Variants in USH2A observed in about 807,000 individuals in gnomAD.
USH2A encodes the protein usherin.
Under a neutral mutation model 538.9 loss-of-function variants are expected in USH2A, and 443 were observed. That is an observed-to-expected ratio of 0.82 (90% CI 0.76 to 0.89). USH2A has a LOEUF of 0.89. USH2A is among the 40% of genes least tolerant of loss of function. The pLI, the probability that USH2A is intolerant of heterozygous loss-of-function variation, is 0.00. For synonymous variants in USH2A, 2,413 were observed against 2,273.5 expected, an observed-to-expected ratio of 1.06 and a Z score of -1.75; for missense variants, 6,633 against 6,324.8, an observed-to-expected ratio of 1.05 and a Z score of -1.65.
chr1:215,973,330 C>T lies in USH2A; in HGVS notation c.6806-2554G>A, dbSNP rs186177867. Among the ~76,000 whole-genome samples, 458 of 152,074 alleles carry T rather than the reference C, an allele frequency of 3.0e-3. 1 individual carries two copies. The highest frequency in any genetic ancestry group is 5.3e-3 in the Non-Finnish European group (362 of 67,974). On this transcript the variant is annotated intron_variant, in intron 35 of 71. Transcript: ENST00000307340. ...ATTTTCATTGAAACTAAATCTCATC[C>T]CCTTAAGTATGAACTCTAAAAATCT... is the stretch of plus-strand genomic sequence containing the variant.
chr1:215,663,196 T>C (rs2102654556), intron 64 of USH2A, among the ~76,000 whole-genome samples: 1 of 152,302 alleles, frequency 6.6e-6, no homozygotes, highest in South Asian at 2.1e-4. Context: ...AAGAAATGTC[T>C]TAACCTGGCT....
At position 215,625,552 on chromosome 1, in the gene USH2A, C is replaced by T. The variant is rs1304110673; in HGVS notation, c.*229G>A. ...TTCTTTGTCTTCTACAAAATAAGAGCAAATCAAGTATTTTCATATGAATAT... is the reference window on the plus strand; with the variant it reads ...TTCTTTGTCTTCTACAAAATAAGAGTAAATCAAGTATTTTCATATGAATAT... On this transcript the variant is annotated 3_prime_UTR_variant, in exon 72 of 72. Transcript: ENST00000307340. The T allele has an allele frequency of 3.5e-6, 2 of 567,138 alleles. No individual in the cohort carries two copies. Among genetic ancestry groups the T allele is most frequent in the Non-Finnish European group, 3.2e-6 (1 of 317,350 alleles). The allele number at this position is 567,138 out of a possible 1,614,324, so 35.1% of individuals were successfully genotyped here.
At chr1:215,936,176 T>A (rs1666491204) in intron 37 of USH2A, among the ~76,000 whole-genome samples, 1 of 151,974 alleles carries the variant, frequency 6.6e-6, no homozygotes, top group African/African-American at 2.4e-5. Context: ...CACATGATAT[T>A]GAGCTTCAAA....
intron 15 of USH2A, among the ~76,000 whole-genome samples, chr1:216,210,600 C>T (rs746881701): frequency 5.9e-5 from 9 of 152,110 alleles, no homozygotes; most frequent in South Asian, 2.1e-4. Context: ...TTCATTTCTG[C>T]GTTCATCCTC....
chr1:216,021,815 G>C (rs563687951), intron 32 of USH2A, among the ~76,000 whole-genome samples: 1 of 152,240 alleles, frequency 6.6e-6, no homozygotes, highest in African/African-American at 2.4e-5. Context: ...TGGCAAATTG[G>C]GTGGTGCTAT....
intron 32 of USH2A, among the ~76,000 whole-genome samples, chr1:216,009,781 C>T (rs571450680): frequency 6.6e-6 from 1 of 152,188 alleles, no homozygotes; most frequent in Non-Finnish European, 1.5e-5. Flanking sequence ...TACACCCAGT[C>T]CGGCTTACAG....
chr1:216,389,801 TAC>T (rs1402533187), intron 3 of USH2A, among the ~76,000 whole-genome samples: 1 of 152,204 alleles, frequency 6.6e-6, no homozygotes, highest in Non-Finnish European at 1.5e-5. Flanking sequence ...CATTTTTATT[TAC>T]AGAGGACAGT....
At chr1:216,107,590 G>A (rs958695496) in intron 21 of USH2A, among the ~76,000 whole-genome samples, 1 of 150,496 alleles carries the variant, frequency 6.6e-6, no homozygotes, top group East Asian at 1.9e-4. Flanking sequence ...TGATTGTTGT[G>A]TTATGTGCAT....
chr1:216,086,189 T>A (rs2032129329), intron 24 of USH2A, among the ~76,000 whole-genome samples: 2 of 152,116 alleles, frequency 1.3e-5, no homozygotes, highest in South Asian at 4.1e-4. Flanking sequence ...AATCACTTTG[T>A]CTATAGCTCA....
At chr1:216,081,750 C>CTTTTTA (rs1206358616) in intron 26 of USH2A, among the ~76,000 whole-genome samples, 4 of 151,686 alleles carry the variant, frequency 2.6e-5, no homozygotes, top group Non-Finnish European at 5.9e-5. Flanking sequence ...GTCTGGCTAA[C>CTTTTTA]TTTTTATTTT....
intron 38 of USH2A, among the ~76,000 whole-genome samples, chr1:215,904,742 T>C (rs1665589051): frequency 6.6e-6 from 1 of 152,074 alleles, no homozygotes; most frequent in Admixed American, 6.6e-5. Flanking sequence ...CAGTAAATAC[T>C]AATTCTACAC....
intron 67 of USH2A, among the ~76,000 whole-genome samples, chr1:215,643,669 G>A (rs753768194): frequency 2.0e-5 from 3 of 151,882 alleles, no homozygotes; most frequent in Non-Finnish European, 4.4e-5. Flanking sequence ...GGGACTACAG[G>A]CGCATGTCAC....
rs71159901 is a variant in USH2A at position 216,113,137 on chromosome 1, T to TA, written c.4628-15925dup. Among the ~76,000 whole-genome samples, 693 of 127,540 alleles carry TA rather than the reference T, an allele frequency of 5.4e-3. 6 individuals carry two copies. Among genetic ancestry groups the TA allele is most frequent in the African/African-American group, 0.013 (439 of 34,044 alleles). The allele number at this position is 127,540 out of a possible 152,430, so 83.7% of individuals were successfully genotyped here. Reference sequence around the variant, plus strand: ...ATCATGCTTTACAACCTCCAAATGATAAAAAAAAAAAAAAAAAAACAAAAC... The same window carrying TA: ...ATCATGCTTTACAACCTCCAAATGATAAAAAAAAAAAAAAAAAAAACAAAAC... On this transcript the variant is annotated intron_variant, in intron 21 of 71. Transcript: ENST00000307340.
chr1:216,009,532 C>G (rs1287083023), intron 32 of USH2A, among the ~76,000 whole-genome samples: 2 of 152,138 alleles, frequency 1.3e-5, no homozygotes, highest in African/African-American at 2.4e-5. Context: ...TCGGTCCCTT[C>G]CTAGTCTCTG....
chr1:215,994,332 A>T (rs1668084360), intron 34 of USH2A, among the ~76,000 whole-genome samples: 1 of 152,152 alleles, frequency 6.6e-6, no homozygotes. Flanking sequence ...TGTGATTCTT[A>T]AAGTAGTCGA....
At position 215,817,138 on chromosome 1, in the gene USH2A, A is replaced by G. The variant is rs1181553965; in HGVS notation, c.9429T>C (p.Tyr3143=). The change falls in exon 48 of 72, where the codon TAT becomes TAC. Residue 3143 remains tyrosine, a synonymous_variant. Transcript: ENST00000307340. The stretch of plus-strand genomic sequence containing the variant: ...GATACCATGTTTTCCATAGGAGATC[A>G]TATCCAAGAATGATGCCATTTGGCT... ...PRKPNGIILG[Y]DLLWKTWYPC... is the part of the protein sequence containing the mutation. The G allele has an allele frequency of 1.2e-6, 2 of 1,612,866 alleles. No individual in the cohort carries two copies. Among genetic ancestry groups the G allele is most frequent in the Non-Finnish European group, 1.7e-6 (2 of 1,179,082 alleles).
At chr1:216,180,876 G>T (rs1278552359) in intron 20 of USH2A, among the ~76,000 whole-genome samples, 2 of 152,096 alleles carry the variant, frequency 1.3e-5, no homozygotes, top group Non-Finnish European at 2.9e-5. Flanking sequence ...CAGAACACTT[G>T]CAAAAGGGCA....
chr1:215,763,798 C>G (rs552671612), intron 56 of USH2A, among the ~76,000 whole-genome samples: 1 of 152,142 alleles, frequency 6.6e-6, no homozygotes, highest in South Asian at 2.1e-4. Context: ...GAGAACTTCT[C>G]TTCTTATAGC....
intron 21 of USH2A, among the ~76,000 whole-genome samples, chr1:216,142,647 T>C (rs1051384315): frequency 2.0e-5 from 3 of 152,212 alleles, no homozygotes; most frequent in Admixed American, 6.5e-5. Context: ...TTCCTAAGAA[T>C]GTCCAGAGAT....
Sources: allele counts gnomAD v4.1 joint callset (sites outside exome capture counted in the v4.1 genomes callset), GRCh38; gene constraint gnomAD v4.1.1; transcripts MANE v1.5; gene names NCBI Gene and HGNC (gene_info 2026-07-23, HGNC 2026-07-21).